The following SLC44A5 variants were observed in gnomAD, a reference collection of about 807,000 sequenced individuals.
SLC44A5 encodes choline transporter-like protein 5.
In SLC44A5, 57 loss-of-function variants were observed where a neutral mutation model predicts 101.8. That is an observed-to-expected ratio of 0.56 (90% CI 0.45 to 0.70). The LOEUF (loss-of-function observed/expected upper bound fraction) is 0.70. SLC44A5 is among the 30% of genes least tolerant of loss of function. SLC44A5 has a pLI of 0.00. For synonymous variants in SLC44A5, 281 were observed against 290.9 expected (o/e 0.97, Z 0.35); for missense variants, 737 against 853.1 (o/e 0.86, Z 1.70).
chr1:75,577,663 C>T (rs892258894), intron 1 of SLC44A5, among the ~76,000 whole-genome samples: 1 of 152,166 alleles, frequency 6.6e-6, no homozygotes, highest in African/African-American at 2.4e-5. Context: ...ATATAACACA[C>T]TATATGTTTT....
At chr1:75,536,962 C>T (rs573046795) in intron 2 of SLC44A5, among the ~76,000 whole-genome samples, 39 of 122,818 alleles carry the variant, frequency 3.2e-4, no homozygotes, top group African/African-American at 1.1e-3. Context: ...GCCGAGATCC[C>T]GCCACTGCAC....
chr1:75,410,813 G>A (rs1179509921), intron 2 of SLC44A5, among the ~76,000 whole-genome samples: 1 of 152,098 alleles, frequency 6.6e-6, no homozygotes, highest in Non-Finnish European at 1.5e-5. Context: ...AATGAAAATA[G>A]ATTTGTATTG....
intron 2 of SLC44A5, among the ~76,000 whole-genome samples, chr1:75,427,904 T>C (rs1310298859): frequency 6.6e-6 from 1 of 152,236 alleles, no homozygotes; most frequent in Non-Finnish European, 1.5e-5. Flanking sequence ...TCTCTTTCCC[T>C]ATAGCACATG....
chr1:75,630,256 T>C, the SLC44A5 span, among the ~76,000 whole-genome samples: 1 of 152,208 alleles, frequency 6.6e-6, no homozygotes, highest in African/African-American at 2.4e-5. Flanking sequence ...CTCTTTTCTG[T>C]CTGCCTGCTG....
chr1:75,451,176 T>TGCCCATCATGGCCTC (rs1665887631), intron 2 of SLC44A5, among the ~76,000 whole-genome samples: 1 of 152,170 alleles, frequency 6.6e-6, no homozygotes, highest in Non-Finnish European at 1.5e-5. Flanking sequence ...ATCTTGGTCT[T>TGCCCATCATGGCCTC]GCCCATCATG....
Position 75,218,861 on chromosome 1 carries a change from T to C in SLC44A5, c.1267-109A>G. 3.0e-6 allele frequency: 3 copies of C among 997,834 alleles called. No homozygotes were observed. The South Asian group carries it at 5.0e-5, about 17-fold the overall frequency. The allele number at this position is 997,834 out of a possible 1,614,324, so 61.8% of individuals were successfully genotyped here. A position where few individuals can be genotyped will look rare whatever the true frequency, so the allele number is the denominator to read the frequency against. Reference sequence around the variant, plus strand: ...AATTGCATATCCTGTTGTTTCTCTGTTAGCTCCTGCTCTTACTCCTCTATT... The same window carrying C: ...AATTGCATATCCTGTTGTTTCTCTGCTAGCTCCTGCTCTTACTCCTCTATT... On this transcript the variant is annotated intron_variant, in intron 16 of 23. Coordinates refer to ENST00000370859, the MANE Select transcript of SLC44A5 (RefSeq NM_001130058.2).
chr1:75,582,143 G>T, intron 1 of SLC44A5: 1 of 755,218 alleles, frequency 1.3e-6, no homozygotes, highest in Non-Finnish European at 2.4e-6. Context: ...CCCGAATATG[G>T]CACAGAAATT....
the SLC44A5 span, among the ~76,000 whole-genome samples, chr1:75,680,961 C>T: frequency 1.3e-5 from 2 of 149,900 alleles, no homozygotes; most frequent in Admixed American, 6.7e-5. Flanking sequence ...ATACAAACTA[C>T]CATCAGAGAA....
chr1:75,663,600 T>A, the SLC44A5 span, among the ~76,000 whole-genome samples: 1 of 152,144 alleles, frequency 6.6e-6, no homozygotes, highest in Non-Finnish European at 1.5e-5. Flanking sequence ...CACAATCTCC[T>A]TGAAACACTG....
intron 2 of SLC44A5, among the ~76,000 whole-genome samples, chr1:75,452,620 A>T (rs1290565916): frequency 6.6e-6 from 1 of 152,186 alleles, no homozygotes; most frequent in Admixed American, 6.5e-5. Context: ...TGAATAAGTA[A>T]ACCAGACACA....
At chr1:75,682,152 T>C in the SLC44A5 span, among the ~76,000 whole-genome samples, 6,709 of 152,254 alleles carry the variant, frequency 0.044, 203 homozygotes, top group African/African-American at 0.092. Context: ...GTAGGAAGAA[T>C]CAATATCGTG....
chr1:75,512,836 T>C (rs2151195), intron 2 of SLC44A5, among the ~76,000 whole-genome samples: 1,709 of 152,308 alleles, frequency 0.011, 17 homozygotes, highest in Middle Eastern at 0.027. Flanking sequence ...ATCCCATATT[T>C]ACATTTCCCA....
the SLC44A5 span, among the ~76,000 whole-genome samples, chr1:75,689,905 C>A: frequency 2.6e-5 from 4 of 152,104 alleles, no homozygotes; most frequent in Admixed American, 2.0e-4. Context: ...AAATTTTGGT[C>A]ATGCAAGGAT....
At chr1:75,293,172 A>C (rs1653698132) in intron 5 of SLC44A5, among the ~76,000 whole-genome samples, 1 of 152,214 alleles carries the variant, frequency 6.6e-6, no homozygotes, top group Non-Finnish European at 1.5e-5. Context: ...GATGGTGAAA[A>C]ATTTATTCAG....
the SLC44A5 span, among the ~76,000 whole-genome samples, chr1:75,622,191 T>C: frequency 6.6e-6 from 1 of 152,084 alleles, no homozygotes; most frequent in African/African-American, 2.4e-5. Flanking sequence ...TTCAGAAACA[T>C]CATTGAAGGG....
chr1:75,662,707 A>C, the SLC44A5 span, among the ~76,000 whole-genome samples: 1 of 152,102 alleles, frequency 6.6e-6, no homozygotes, highest in Non-Finnish European at 1.5e-5. Context: ...TTTGCCTTTC[A>C]CAATTAGAAC....
intron 2 of SLC44A5, among the ~76,000 whole-genome samples, chr1:75,513,621 CTAGT>C (rs766063382): frequency 6.6e-6 from 1 of 152,088 alleles, no homozygotes; most frequent in East Asian, 1.9e-4. Context: ...ATTTAAATTC[CTAGT>C]TAAACTTGCC....
At chr1:75,340,572 A>C (rs1657802132) in intron 3 of SLC44A5, among the ~76,000 whole-genome samples, 1 of 152,204 alleles carries the variant, frequency 6.6e-6, no homozygotes. Context: ...GCCTCACTGC[A>C]ACAGATAATA....
intron 1 of SLC44A5, among the ~76,000 whole-genome samples, chr1:75,596,840 A>T (rs1674664368): frequency 6.6e-6 from 1 of 152,172 alleles, no homozygotes; most frequent in African/African-American, 2.4e-5. Context: ...CACAGTCAGC[A>T]TTATACTGAA....
Sources: gnomAD v4.1 joint callset for allele counts (sites outside exome capture counted in the v4.1 genomes callset) on GRCh38, gnomAD v4.1.1 for gene constraint, MANE v1.5 for transcripts, NCBI Gene and HGNC (gene_info 2026-07-23, HGNC 2026-07-21) for gene names.